Variants in DLGAP2 observed in about 807,000 individuals in gnomAD.
DLGAP2 encodes the protein DLG associated protein 2, also known as disks large-associated protein 2.
A neutral mutation model predicts 100.3 loss-of-function variants in DLGAP2; 26 were observed. That is an observed-to-expected ratio of 0.26 (90% CI 0.19 to 0.36). DLGAP2 has a LOEUF of 0.36. DLGAP2 is among the 10% of genes least tolerant of loss of function. The probability of loss-of-function intolerance (pLI) is 1.00; values close to 1 mark genes in which losing one functional copy is unlikely to be tolerated. For missense variants in DLGAP2, 1,858 were observed against 1,453.2 expected (o/e 1.28, Z -4.53); for synonymous variants, 886 against 630.1 (o/e 1.41, Z -6.08).
rs538976691 is a variant in DLGAP2 at position 1,359,992 on chromosome 8, T to C, written c.106+101109T>C. ...CGGGTCCTGCCAGCACACCTCAGCATCGCCGGTGTTTCAGCAAAGAATCCA... is the reference window on the plus strand; with the variant it reads ...CGGGTCCTGCCAGCACACCTCAGCACCGCCGGTGTTTCAGCAAAGAATCCA... On this transcript the variant is annotated intron_variant, in intron 3 of 14. Transcript: ENST00000637795. Among the ~76,000 whole-genome samples, 20 of 152,288 alleles carry C rather than the reference T, an allele frequency of 1.3e-4. No individual in the cohort carries two copies. In the South Asian group the frequency reaches 4.1e-3, roughly 32 times the overall value.
intron 6 of DLGAP2, among the ~76,000 whole-genome samples, chr8:1,604,388 A>G (rs938318362): frequency 4.6e-5 from 7 of 152,168 alleles, no homozygotes; most frequent in African/African-American, 1.7e-4. Context: ...CCTCCATCCA[A>G]ATAGATCCAT....
chr8:1,542,145 C>G (rs940974445), intron 4 of DLGAP2, among the ~76,000 whole-genome samples: 6 of 152,292 alleles, frequency 3.9e-5, no homozygotes, highest in African/African-American at 1.4e-4. Context: ...AGTTCTAAAG[C>G]AAGTGAAGAA....
Position 989,139 on chromosome 8 carries a change from G to T in DLGAP2, c.73+81173G>T, listed in dbSNP as rs757175403. ...GCAGTCCCAGCCTTCAGCCCTGCGC[G>T]GCACCACCTTGCCGTGTTCCACACT... On this transcript the variant is annotated intron_variant, in intron 2 of 14. Transcript: ENST00000637795. 2.0e-5 allele frequency among the ~76,000 whole-genome samples: 3 copies of T among 152,222 alleles called. No individual in the cohort carries two copies. In the East Asian group the frequency reaches 5.8e-4, roughly 30 times the overall value.
intron 2 of DLGAP2, among the ~76,000 whole-genome samples, chr8:961,572 A>G (rs1046129557): frequency 2.0e-5 from 3 of 152,254 alleles, no homozygotes; most frequent in Admixed American, 2.0e-4. Context: ...TGGCTGTGCA[A>G]CAGTGGGACC....
chr8:1,388,321 G>T, intron 3 of DLGAP2, among the ~76,000 whole-genome samples: 1 of 82,200 alleles, frequency 1.2e-5, no homozygotes, highest in Non-Finnish European at 2.3e-5. Flanking sequence ...ATGAGGAGGT[G>T]CTGGTTCAAG....
At chr8:897,352 C>T (rs183041200) in intron 1 of DLGAP2, among the ~76,000 whole-genome samples, 1 of 152,152 alleles carries the variant, frequency 6.6e-6, no homozygotes, top group Non-Finnish European at 1.5e-5. Flanking sequence ...CACGATTGTG[C>T]CGATGTATCT....
At chr8:928,379 G>A (rs1005848720) in intron 2 of DLGAP2, among the ~76,000 whole-genome samples, 5 of 152,128 alleles carry the variant, frequency 3.3e-5, no homozygotes, top group African/African-American at 7.2e-5. Flanking sequence ...TACGGAGGTC[G>A]AGAATGTGTT....
chr8:863,674 G>T (rs953457909), intron 1 of DLGAP2, among the ~76,000 whole-genome samples: 11 of 152,164 alleles, frequency 7.2e-5, no homozygotes, highest in African/African-American at 2.7e-4. Context: ...ACCACAACGA[G>T]CTGTCCCCTG....
chr8:1,417,727 A>ACGGGGGGCCCCACTC, intron 3 of DLGAP2, among the ~76,000 whole-genome samples: 1 of 111,516 alleles, frequency 9.0e-6, no homozygotes, highest in Admixed American at 9.1e-5. Context: ...GAGGCTCCAG[A>ACGGGGGGCCCCACTC]CACAGAAGCC....
intron 2 of DLGAP2, among the ~76,000 whole-genome samples, chr8:919,558 G>C (rs147260562): frequency 2.0e-5 from 3 of 152,196 alleles, no homozygotes; most frequent in Non-Finnish European, 4.4e-5. Context: ...GGTTGGCCTT[G>C]AGAATAGAGT....
At chr8:1,633,909 A>G (rs1797710210) in intron 8 of DLGAP2, among the ~76,000 whole-genome samples, 1 of 152,256 alleles carries the variant, frequency 6.6e-6, no homozygotes, top group Non-Finnish European at 1.5e-5. Context: ...GACACATAAC[A>G]GGAGAGAAGC....
intron 3 of DLGAP2, among the ~76,000 whole-genome samples, chr8:1,292,701 G>C (rs1800086320): frequency 6.6e-6 from 1 of 152,108 alleles, no homozygotes. Context: ...CGCGTGGATG[G>C]GGCTTTACTT....
At chr8:909,901 C>A (rs866979845) in intron 2 of DLGAP2, among the ~76,000 whole-genome samples, 2 of 152,284 alleles carry the variant, frequency 1.3e-5, no homozygotes, top group South Asian at 4.2e-4. Context: ...CTTCAGACCT[C>A]AACACAGCGG....
chr8:1,056,753 T>C (rs1802893808), intron 2 of DLGAP2, among the ~76,000 whole-genome samples: 1 of 152,254 alleles, frequency 6.6e-6, no homozygotes, highest in Non-Finnish European at 1.5e-5. Flanking sequence ...AGAAGTTTCT[T>C]AATTTTGATC....
At chr8:1,332,833 A>G (rs1326537464) in intron 3 of DLGAP2, among the ~76,000 whole-genome samples, 1 of 152,188 alleles carries the variant, frequency 6.6e-6, no homozygotes, top group Non-Finnish European at 1.5e-5. Flanking sequence ...AGCCGGGATG[A>G]ATGAAAATAC....
intron 2 of DLGAP2, among the ~76,000 whole-genome samples, chr8:1,136,638 A>G (rs1796420320): frequency 6.6e-6 from 1 of 152,216 alleles, no homozygotes; most frequent in Non-Finnish European, 1.5e-5. Context: ...GACTATGCTC[A>G]GTAAAAACGT....
intron 3 of DLGAP2, among the ~76,000 whole-genome samples, chr8:1,349,590 C>G (rs1210061611): frequency 7.0e-6 from 1 of 142,196 alleles, no homozygotes; most frequent in South Asian, 2.4e-4. Context: ...GGGAGACTAT[C>G]ATGAGCCTCC....
intron 2 of DLGAP2, among the ~76,000 whole-genome samples, chr8:1,147,890 CTAA>C (rs1190088911): frequency 9.2e-5 from 14 of 152,046 alleles, no homozygotes; most frequent in African/African-American, 3.4e-4. Flanking sequence ...GTAATATTTG[CTAA>C]TGTTTTATTT....
chr8:884,346 G>A (rs187258434), intron 1 of DLGAP2, among the ~76,000 whole-genome samples: 15 of 152,310 alleles, frequency 9.8e-5, no homozygotes, highest in Admixed American at 2.6e-4. Context: ...ACTGGCATGA[G>A]ATGGTATCTC....
Sources: gnomAD v4.1 joint callset for allele counts (sites outside exome capture counted in the v4.1 genomes callset) on GRCh38, gnomAD v4.1.1 for gene constraint, MANE v1.5 for transcripts, NCBI Gene and HGNC (gene_info 2026-07-23, HGNC 2026-07-21) for gene names.